Variants in EMCN observed in about 807,000 individuals in gnomAD.
EMCN encodes the protein MUC-14.
Under a neutral mutation model 38.4 loss-of-function variants are expected in EMCN, and 37 were observed. The ratio of observed to expected loss-of-function variants is 0.96; its 90% CI spans 0.74 to 1.27. The LOEUF is 1.27. EMCN is among the 50% of genes most tolerant of loss of function. EMCN has a pLI of 0.00. For missense variants in EMCN, 318 were observed against 302.8 expected (o/e 1.05, Z -0.37); for synonymous variants, 95 against 100.8 (o/e 0.94, Z 0.35).
intron 3 of EMCN, among the ~76,000 whole-genome samples, chr4:100,467,884 A>G (rs1472423578): frequency 2.0e-5 from 3 of 152,258 alleles, no homozygotes; most frequent in African/African-American, 7.2e-5. Flanking sequence ...CTACAAAACA[A>G]TATGTACCTG....
chr4:100,459,496 TA>T (rs1217821733), intron 4 of EMCN, among the ~76,000 whole-genome samples: 1 of 152,100 alleles, frequency 6.6e-6, no homozygotes, highest in East Asian at 1.9e-4. Context: ...CACTAGGTTG[TA>T]AAATAGGTCT....
chr4:100,476,355 C>G lies in EMCN; in HGVS notation c.188-1246G>C, dbSNP rs896312405. Among the ~76,000 whole-genome samples the G allele has an allele frequency of 4.0e-5, 6 of 151,822 alleles. No homozygotes were observed. The East Asian group carries it at 7.8e-4, about 20-fold the overall frequency. The stretch of plus-strand genomic sequence containing the variant: ...CTGGAGTCCAGTGGTATGAGCATAC[C>G]TCACTGCAGAATCAGACTTCTGGCC... On this transcript the variant is annotated intron_variant, in intron 2 of 11. Coordinates refer to ENST00000296420, the MANE Select transcript of EMCN (RefSeq NM_016242.4).
intron 1 of EMCN, among the ~76,000 whole-genome samples, chr4:100,489,592 TA>T (rs1186005067): frequency 1.1e-4 from 16 of 152,176 alleles, no homozygotes; most frequent in Non-Finnish European, 2.2e-4. Context: ...GATGCTAGTA[TA>T]AAAAAACCTG....
chr4:100,473,373 G>GTGTTTTTTTTTTTTTTTT (rs1728539992), intron 3 of EMCN, among the ~76,000 whole-genome samples: 1 of 65,984 alleles, frequency 1.5e-5, no homozygotes, highest in Non-Finnish European at 3.0e-5. Flanking sequence ...GTGTTTTTTT[G>GTGTTTTTTTTTTTTTTTT]TTTTTTTTTT....
chr4:100,467,359 A>C (rs901049793), intron 3 of EMCN, among the ~76,000 whole-genome samples: 1 of 152,224 alleles, frequency 6.6e-6, no homozygotes, highest in African/African-American at 2.4e-5. Flanking sequence ...AGAAGAATCT[A>C]TGCATGGTTG....
At chr4:100,420,979 G>T (rs1453449028) in intron 8 of EMCN, among the ~76,000 whole-genome samples, 1 of 151,820 alleles carries the variant, frequency 6.6e-6, no homozygotes, top group African/African-American at 2.4e-5. Context: ...CCATAGACAA[G>T]TTATGTCATT....
chr4:100,457,777 G>A (rs1187902386), intron 4 of EMCN, among the ~76,000 whole-genome samples: 2 of 152,058 alleles, frequency 1.3e-5, no homozygotes, highest in Non-Finnish European at 2.9e-5. Flanking sequence ...TGTAGTTTTT[G>A]TGAATGATTT....
At chr4:100,507,186 A>G (rs567394604) in intron 1 of EMCN, among the ~76,000 whole-genome samples, 1 of 152,284 alleles carries the variant, frequency 6.6e-6, no homozygotes, top group East Asian at 1.9e-4. Context: ...CTTTAATAGT[A>G]GAAGTGAAAG....
intron 11 of EMCN, among the ~76,000 whole-genome samples, chr4:100,402,565 G>A (rs1370015787): frequency 6.6e-6 from 1 of 152,132 alleles, no homozygotes; most frequent in African/African-American, 2.4e-5. Context: ...GAATTGAACA[G>A]ATGTCAAACT....
chr4:100,473,395 T>TTTTTTTTTTTTTTTTTTTTTTC (rs1263222229), intron 3 of EMCN, among the ~76,000 whole-genome samples: 1 of 143,962 alleles, frequency 6.9e-6, no homozygotes, highest in Non-Finnish European at 1.5e-5. Context: ...TGTTTTTTTT[T>TTTTTTTTTTTTTTTTTTTTTTC]TTGCTAATGA....
chr4:100,440,488 A>T (rs1172619669), intron 5 of EMCN, among the ~76,000 whole-genome samples: 1 of 152,032 alleles, frequency 6.6e-6, no homozygotes. Flanking sequence ...AGAATATACA[A>T]TGTTTGGTTT....
chr4:100,508,650 GA>G (rs1729545953), intron 1 of EMCN, among the ~76,000 whole-genome samples: 1 of 152,124 alleles, frequency 6.6e-6, no homozygotes, highest in South Asian at 2.1e-4. Flanking sequence ...CTTTACAATT[GA>G]ATTTTCATAA....
chr4:100,480,076 A>G (rs759269206), intron 1 of EMCN, 37 bp from the exon 2 acceptor site: 2 of 1,581,532 alleles, frequency 1.3e-6, no homozygotes, highest in South Asian at 1.2e-5. Flanking sequence ...ACATTTACAT[A>G]TAGTTTGCCA....
chr4:100,451,151 A>G (rs1039523812), intron 4 of EMCN, among the ~76,000 whole-genome samples: 2 of 151,882 alleles, frequency 1.3e-5, no homozygotes, highest in African/African-American at 4.8e-5. Flanking sequence ...AGTGATTTTT[A>G]TAGCTATTGT....
chr4:100,459,742 G>A (rs572549329), intron 4 of EMCN, among the ~76,000 whole-genome samples: 7 of 152,188 alleles, frequency 4.6e-5, no homozygotes, highest in South Asian at 2.1e-4. Flanking sequence ...CCGCGCTTTC[G>A]CAAATGACAG....
At chr4:100,433,802 C>T (rs1010655395) in intron 5 of EMCN, among the ~76,000 whole-genome samples, 2 of 152,092 alleles carry the variant, frequency 1.3e-5, no homozygotes, top group Non-Finnish European at 2.9e-5. Context: ...TCCCAAAGTG[C>T]TGGGATTACA....
chr4:100,468,156 A>G (rs2110266610), intron 3 of EMCN, among the ~76,000 whole-genome samples: 1 of 152,342 alleles, frequency 6.6e-6, no homozygotes, highest in Middle Eastern at 3.4e-3. Flanking sequence ...AACACAAGAG[A>G]TGCTTGAGGG....
intron 5 of EMCN, among the ~76,000 whole-genome samples, chr4:100,437,733 C>T (rs376492635): frequency 3.0e-4 from 46 of 152,066 alleles, no homozygotes; most frequent in African/African-American, 1.1e-3. Flanking sequence ...GATTTATTTC[C>T]GGGATCTTTA....
Position 100,415,932 on chromosome 4 carries a change from C to T in EMCN, c.717G>A (p.Lys239=). The T allele has an allele frequency of 6.3e-7, 1 of 1,590,180 alleles. No individual in the cohort carries two copies. ...DQPQSDKESV[K]LLTVKTISHE... ...GAGAAATTGTCTTAACGGTAAGAAG[C>T]TTCACGCTCTCTTTATCAGACTGAG... The change falls in exon 10 of 12, where the codon AAG becomes AAA. Residue 239 remains lysine, a synonymous_variant. Coordinates refer to ENST00000296420, the MANE Select transcript of EMCN (RefSeq NM_016242.4).
Sources: gnomAD v4.1 joint callset for allele counts (sites outside exome capture counted in the v4.1 genomes callset) on GRCh38, gnomAD v4.1.1 for gene constraint, MANE v1.5 for transcripts, NCBI Gene and HGNC (gene_info 2026-07-23, HGNC 2026-07-21) for gene names.